SCAPER: variants seen among roughly 807,000 people sequenced by gnomAD.
SCAPER encodes S phase cyclin A-associated protein in the endoplasmic reticulum.
In SCAPER, 98 loss-of-function variants were observed where a neutral mutation model predicts 182.2. The ratio of observed to expected loss-of-function variants is 0.54; its 90% CI spans 0.46 to 0.64. The LOEUF (loss-of-function observed/expected upper bound fraction) is 0.64, where lower values mean the gene tolerates loss of function less well. Ranked by LOEUF, SCAPER falls within the 30% of genes least tolerant of loss-of-function variation. SCAPER has a pLI of 0.00. For synonymous variants in SCAPER, 605 were observed against 564.6 expected, an observed-to-expected ratio of 1.07 and a Z score of -1.01; for missense variants, 1,432 against 1,690.0, an observed-to-expected ratio of 0.85 and a Z score of 2.68.
intron 25 of SCAPER, among the ~76,000 whole-genome samples, chr15:76,436,361 G>C (rs284888): frequency 0.98 from 149,399 of 152,344 alleles, 73,315 homozygotes; most frequent in South Asian, 1. Context: ...AGCCACTGCA[G>C]CCGGCCTTCT....
At chr15:76,868,817 A>T (rs2072491347) in intron 2 of SCAPER, among the ~76,000 whole-genome samples, 1 of 152,212 alleles carries the variant, frequency 6.6e-6, no homozygotes, top group Non-Finnish European at 1.5e-5. Flanking sequence ...AAAATACCCC[A>T]AACAGCCAAA....
At chr15:76,603,154 T>C (rs1052989840) in intron 22 of SCAPER, among the ~76,000 whole-genome samples, 1 of 119,324 alleles carries the variant, frequency 8.4e-6, no homozygotes, top group African/African-American at 2.5e-5. Flanking sequence ...CATTTAGCAT[T>C]AGGTATATCT....
At chr15:76,378,257 C>T (rs935890118) in intron 28 of SCAPER, among the ~76,000 whole-genome samples, 4 of 149,176 alleles carry the variant, frequency 2.7e-5, no homozygotes, top group Non-Finnish European at 5.9e-5. Context: ...GACAATTTAT[C>T]TCAGTTTTTT....
At chr15:76,464,246 A>C (rs999201215) in intron 25 of SCAPER, among the ~76,000 whole-genome samples, 3 of 152,066 alleles carry the variant, frequency 2.0e-5, no homozygotes, top group Non-Finnish European at 4.4e-5. Context: ...TATGTCATTT[A>C]AGTAGAATCA....
At chr15:76,833,382 A>G (rs970514081) in intron 5 of SCAPER, among the ~76,000 whole-genome samples, 3 of 152,214 alleles carry the variant, frequency 2.0e-5, no homozygotes, top group African/African-American at 7.2e-5. Flanking sequence ...AGGGAGTGCT[A>G]AACATGAAAA....
chr15:76,887,147 TTAAAA>T (rs1333373313), intron 1 of SCAPER, among the ~76,000 whole-genome samples: 2 of 152,092 alleles, frequency 1.3e-5, no homozygotes, highest in Non-Finnish European at 2.9e-5. Context: ...ACCCCTGAAC[TTAAAA>T]TAAAAGTTTC....
intron 23 of SCAPER, among the ~76,000 whole-genome samples, chr15:76,572,994 G>A (rs1053469805): frequency 2.0e-5 from 3 of 150,588 alleles, no homozygotes; most frequent in Non-Finnish European, 4.4e-5. Context: ...TTAACACAAT[G>A]AAGGACTTAC....
chr15:76,484,979 T>C (rs542826499), intron 24 of SCAPER, among the ~76,000 whole-genome samples: 1 of 152,310 alleles, frequency 6.6e-6, no homozygotes, highest in Admixed American at 6.5e-5. Context: ...AGCATTCCCC[T>C]TGAAAACTGG....
At chr15:76,655,347 A>G (rs186562542) in intron 21 of SCAPER, among the ~76,000 whole-genome samples, 83 of 151,510 alleles carry the variant, frequency 5.5e-4, no homozygotes, top group Middle Eastern at 6.8e-3. Context: ...ACAAACATAA[A>G]GAAAAAAGAA....
chr15:76,381,124 C>T (rs1567027986), intron 28 of SCAPER: 1 of 200,748 alleles, frequency 5.0e-6, no homozygotes, highest in Non-Finnish European at 9.8e-6. Flanking sequence ...TAACTGTCAG[C>T]TTCTCTATCT....
intron 29 of SCAPER, among the ~76,000 whole-genome samples, chr15:76,359,431 G>A (rs1000408103): frequency 3.9e-5 from 6 of 152,230 alleles, no homozygotes; most frequent in African/African-American, 1.4e-4. Flanking sequence ...AATGTATTCT[G>A]ACAGCTCTGA....
intron 5 of SCAPER, 71 bp downstream of exon 5, chr15:76,841,663 T>TA: frequency 1.4e-6 from 2 of 1,465,934 alleles, no homozygotes; most frequent in Non-Finnish European, 1.9e-6. Flanking sequence ...AAAAAAAAGA[T>TA]CAAGTCACAT....
At chr15:76,617,889 CT>C (rs1415491315) in intron 22 of SCAPER, among the ~76,000 whole-genome samples, 1 of 152,190 alleles carries the variant, frequency 6.6e-6, no homozygotes, top group African/African-American at 2.4e-5. Flanking sequence ...TTCTGGCCAT[CT>C]TTTGCAAATA....
Position 76,594,297 on chromosome 15 carries a change from A to G in SCAPER, c.2712-20013T>C, listed in dbSNP as rs1432523151. 5.0e-5 allele frequency among the ~76,000 whole-genome samples: 6 copies of G among 120,608 alleles called. 1 individual carries two copies. The Admixed American group carries it at 5.8e-4, about 12-fold the overall frequency. The allele number at this position is 120,608 out of a possible 152,430, so 79.1% of individuals were successfully genotyped here. On this transcript the variant is annotated intron_variant, in intron 22 of 31. Transcript: ENST00000563290. ...AGAGAAAAAAGAATAGAAAGGAATG[A>G]ACAAAGCCCCCAAGAAATACGGGAA...
chr15:76,413,944 A>C (rs2045477567), intron 26 of SCAPER, among the ~76,000 whole-genome samples: 1 of 152,194 alleles, frequency 6.6e-6, no homozygotes, highest in Admixed American at 6.5e-5. Context: ...GTTAGCCTGC[A>C]AAAAGGGTAA....
intron 21 of SCAPER, among the ~76,000 whole-genome samples, chr15:76,646,374 AC>A (rs1246943551): frequency 2.6e-5 from 4 of 152,134 alleles, no homozygotes; most frequent in Admixed American, 1.3e-4. Context: ...AGTGATTACC[AC>A]TGGACACTGA....
chr15:76,674,277 C>A (rs2057230474), intron 20 of SCAPER, among the ~76,000 whole-genome samples: 1 of 152,092 alleles, frequency 6.6e-6, no homozygotes, highest in Non-Finnish European at 1.5e-5. Flanking sequence ...ACATTATGTT[C>A]ATCTTGATGA....
intron 26 of SCAPER, among the ~76,000 whole-genome samples, chr15:76,405,395 G>A (rs2044756781): frequency 6.6e-6 from 1 of 151,954 alleles, no homozygotes; most frequent in South Asian, 2.1e-4. Context: ...ACAATTACAG[G>A]CATGGGCCAC....
rs868109059 is a variant in SCAPER at position 76,667,601 on chromosome 15, G to C, written c.2509-1812C>G. Among the ~76,000 whole-genome samples the C allele has an allele frequency of 9.8e-5, 12 of 122,874 alleles. No individual in the cohort carries two copies. In the Middle Eastern group the frequency reaches 0.02, roughly 205 times the overall value. The allele number at this position is 122,874 out of a possible 152,430, so 80.6% of individuals were successfully genotyped here. On this transcript the variant is annotated intron_variant, in intron 20 of 31. Transcript: ENST00000563290. Reference sequence around the variant, plus strand: ...GATGGTGCCATTGCACTCCAGCCTGGGCAACAAGAGCGAGACTCAGTCTCA... The same window carrying C: ...GATGGTGCCATTGCACTCCAGCCTGCGCAACAAGAGCGAGACTCAGTCTCA...
Sources: allele counts gnomAD v4.1 joint callset (sites outside exome capture counted in the v4.1 genomes callset), GRCh38; gene constraint gnomAD v4.1.1; transcripts MANE v1.5; gene names NCBI Gene and HGNC (gene_info 2026-07-23, HGNC 2026-07-21).